GMDS: variants seen among roughly 807,000 people sequenced by gnomAD.
GMDS encodes GDP-mannose 4,6 dehydratase.
A neutral mutation model predicts 49.9 loss-of-function variants in GMDS; 20 were observed. The ratio of observed to expected loss-of-function variants is 0.40; its 90% CI spans 0.28 to 0.58. The LOEUF (loss-of-function observed/expected upper bound fraction) is 0.58, where lower values mean the gene tolerates loss of function less well. GMDS is among the 20% of genes least tolerant of loss of function. GMDS has a pLI of 0.42. For missense variants in GMDS, 362 were observed against 481.4 expected, an observed-to-expected ratio of 0.75 and a Z score of 2.32; for synonymous variants, 177 against 178.6, an observed-to-expected ratio of 0.99 and a Z score of 0.07.
At chr6:2,176,993 T>C (rs1264603351) in intron 1 of GMDS, among the ~76,000 whole-genome samples, 1 of 152,036 alleles carries the variant, frequency 6.6e-6, no homozygotes, top group Non-Finnish European at 1.5e-5. Flanking sequence ...AGAAAATTTG[T>C]AGGCAGATGG....
rs1762679877 is a variant in GMDS, at chr6:1,938,972, C to T, written c.644-8742G>A. On this transcript the variant is annotated intron_variant, in intron 6 of 10. Coordinates refer to ENST00000380815, the MANE Select transcript of GMDS (RefSeq NM_001500.4). ...CTTCTTTCCTCCCCTCCCCTCCCCTCCCCTCCCCTCCTCTCTCCTCTCCTC... is the reference window on the plus strand; with the variant it reads ...CTTCTTTCCTCCCCTCCCCTCCCCTTCCCTCCCCTCCTCTCTCCTCTCCTC... 3.7e-5 allele frequency among the ~76,000 whole-genome samples: 5 copies of T among 136,838 alleles called. No homozygotes were observed. The South Asian group carries it at 1.4e-3, about 37-fold the overall frequency. 89.8% of individuals were successfully genotyped at this position (136,838 alleles called of 152,430 possible).
intron 7 of GMDS, among the ~76,000 whole-genome samples, chr6:1,888,111 G>C (rs1473569016): frequency 1.3e-5 from 2 of 148,810 alleles, no homozygotes; most frequent in Admixed American, 6.9e-5. Context: ...ACCATTCCTG[G>C]CTATTTTTTT....
intron 1 of GMDS, among the ~76,000 whole-genome samples, chr6:2,174,500 A>G (rs973995880): frequency 6.6e-6 from 1 of 152,186 alleles, no homozygotes; most frequent in Admixed American, 6.5e-5. Flanking sequence ...TTGTTGAGAC[A>G]ATCAAAGAAT....
chr6:1,946,625 T>A (rs1763085287), intron 6 of GMDS, among the ~76,000 whole-genome samples: 2 of 152,174 alleles, frequency 1.3e-5, no homozygotes, highest in South Asian at 4.1e-4. Flanking sequence ...AAAATTCCAG[T>A]ATCAGATGCA....
At chr6:1,657,992 G>T (rs548609168) in intron 9 of GMDS, among the ~76,000 whole-genome samples, 1 of 152,300 alleles carries the variant, frequency 6.6e-6, no homozygotes, top group Middle Eastern at 3.4e-3. Flanking sequence ...GCGTAGCGCC[G>T]GGGTCTGGAG....
At chr6:2,124,844 G>A (rs1479810722) in intron 1 of GMDS, 113 bp from the exon 2 acceptor site, 4 of 726,796 alleles carry the variant, frequency 5.5e-6, no homozygotes, top group Admixed American at 2.2e-5. Context: ...TAAGGACAAT[G>A]GCAACCTAAA....
chr6:1,660,295 C>A (rs1187895311), intron 9 of GMDS, among the ~76,000 whole-genome samples: 3 of 152,028 alleles, frequency 2.0e-5, no homozygotes, highest in Non-Finnish European at 2.9e-5. Context: ...AAGGCAAAGT[C>A]TAGGATTTCA....
intron 1 of GMDS, among the ~76,000 whole-genome samples, chr6:2,243,950 A>G (rs574624983): frequency 3.0e-4 from 41 of 136,078 alleles, no homozygotes; most frequent in African/African-American, 1.1e-3. Flanking sequence ...GCAGCCTCAG[A>G]CTCCCGGACT....
chr6:1,868,516 A>T (rs1758554807), intron 7 of GMDS, among the ~76,000 whole-genome samples: 2 of 152,198 alleles, frequency 1.3e-5, no homozygotes, highest in Non-Finnish European at 2.9e-5. Context: ...AAGTGGATGG[A>T]AGGAAATCGA....
intron 7 of GMDS, among the ~76,000 whole-genome samples, chr6:1,890,059 T>C (rs1217121199): frequency 2.6e-5 from 4 of 152,326 alleles, no homozygotes; most frequent in Admixed American, 1.3e-4. Flanking sequence ...TTGTGAATAA[T>C]GCTGCCACTA....
intron 1 of GMDS, among the ~76,000 whole-genome samples, chr6:2,141,432 T>G (rs1479187872): frequency 1.3e-5 from 2 of 152,180 alleles, no homozygotes; most frequent in African/African-American, 4.8e-5. Context: ...AAATATTGTG[T>G]GAAACTAGGG....
At chr6:1,720,720 A>G (rs1766352531) in intron 9 of GMDS, among the ~76,000 whole-genome samples, 1 of 152,176 alleles carries the variant, frequency 6.6e-6, no homozygotes, top group African/African-American at 2.4e-5. Flanking sequence ...TGCTCTCTCC[A>G]CATCCTCTGA....
chr6:1,624,119 G>C lies in GMDS; in HGVS notation c.*50C>G, dbSNP rs749050492. ...ATCCCCGCAGCGCGTCTGCACCGGA[G>C]ACTCTGCGGGGATTGTAGCCGGAGG... On this transcript the variant is annotated 3_prime_UTR_variant, in exon 11 of 11. Coordinates refer to ENST00000380815, the MANE Select transcript of GMDS (RefSeq NM_001500.4). 70 of 1,532,474 alleles carry C rather than the reference G, an allele frequency of 4.6e-5. No homozygotes were observed. The highest frequency in any genetic ancestry group is 5.7e-5 in the Non-Finnish European group (64 of 1,117,714). The allele number at this position is 1,532,474 out of a possible 1,614,324, so 94.9% of individuals were successfully genotyped here.
chr6:1,764,801 C>T (rs1332753725), intron 7 of GMDS, among the ~76,000 whole-genome samples: 2 of 152,146 alleles, frequency 1.3e-5, no homozygotes, highest in Admixed American at 6.5e-5. Context: ...ATTTCTGATT[C>T]CTTGCCCAAA....
intron 7 of GMDS, among the ~76,000 whole-genome samples, chr6:1,806,943 A>G (rs951312137): frequency 1.3e-5 from 2 of 152,226 alleles, no homozygotes; most frequent in African/African-American, 4.8e-5. Context: ...TCTTCGTGCT[A>G]TAAATATAAT....
intron 8 of GMDS, among the ~76,000 whole-genome samples, chr6:1,741,807 G>T (rs58285849): frequency 1.2e-5 from 1 of 81,042 alleles, no homozygotes. Flanking sequence ...GCAAGACTCT[G>T]TCTCAAAAAA....
intron 7 of GMDS, among the ~76,000 whole-genome samples, chr6:1,849,266 T>A (rs1336587721): frequency 6.6e-6 from 1 of 152,154 alleles, no homozygotes; most frequent in East Asian, 1.9e-4. Context: ...ATTTAGTAAA[T>A]AAATTAAAAA....
intron 4 of GMDS, among the ~76,000 whole-genome samples, chr6:2,021,886 G>A (rs926988355): frequency 1.3e-5 from 2 of 152,178 alleles, no homozygotes; most frequent in African/African-American, 4.8e-5. Flanking sequence ...TTGATTTAGA[G>A]GTTGTGAAAT....
chr6:2,107,918 T>G (rs1413549646), intron 4 of GMDS, among the ~76,000 whole-genome samples: 18 of 152,356 alleles, frequency 1.2e-4, no homozygotes, highest in African/African-American at 4.1e-4. Context: ...ATAAGGAATC[T>G]TTATTATTTG....
Sources: allele counts gnomAD v4.1 joint callset (sites outside exome capture counted in the v4.1 genomes callset), GRCh38; gene constraint gnomAD v4.1.1; transcripts MANE v1.5; gene names NCBI Gene and HGNC (gene_info 2026-07-23, HGNC 2026-07-21).